The following SPTAN1 variants were observed in gnomAD, a reference collection of about 807,000 sequenced individuals.
SPTAN1 encodes spectrin alpha chain, non-erythrocytic 1.
Under a neutral mutation model 331.3 loss-of-function variants are expected in SPTAN1, and 61 were observed. That is an observed-to-expected ratio of 0.18 (90% confidence interval 0.15 to 0.23). The LOEUF (loss-of-function observed/expected upper bound fraction) is 0.23. SPTAN1 is among the 10% of genes least tolerant of loss of function. The probability of loss-of-function intolerance (pLI) is 1.00; values close to 1 mark genes in which losing one functional copy is unlikely to be tolerated. For synonymous variants in SPTAN1, 1,153 were observed against 1,173.9 expected, an observed-to-expected ratio of 0.98 and a Z score of 0.36; for missense variants, 2,043 against 3,147.9, an observed-to-expected ratio of 0.65 and a Z score of 8.40.
At position 128,609,644 on chromosome 9, in the gene SPTAN1, T is replaced by C. The variant is rs1307129452; in HGVS notation, c.4759-7T>C. ...TGAACTCTTGTTCTTTTAATCTGTT[T>C]TTGTAGCTTTCCAAGCTGCTGGTAA... On this transcript the variant is annotated splice_region_variant and splice_polypyrimidine_tract_variant and intron_variant, in intron 36 of 56. Transcript: ENST00000372739. 6.6e-7 allele frequency: 1 copy of C among 1,525,444 alleles called. No individual in the cohort carries two copies. The allele number at this position is 1,525,444 out of a possible 1,614,324, so 94.5% of individuals were successfully genotyped here.
Position 128,627,227 on chromosome 9 carries a change from C to T in SPTAN1, c.6577-159C>T. The T allele has an allele frequency of 1.5e-6, 1 of 685,298 alleles. No homozygotes were observed. The highest frequency in any genetic ancestry group is 2.6e-6 in the Non-Finnish European group (1 of 386,212). 42.5% of individuals were successfully genotyped at this position (685,298 alleles called of 1,614,324 possible). ...GGGGTGGGAACAGAGAAAGAACTAC[C>T]AAGTGCTCTGAGCCGGCCTCATGTC... On this transcript the variant is annotated intron_variant, in intron 49 of 56. Transcript: ENST00000372739. This position sits in a 1 kb window ranked among gnomAD's most constrained non-coding sequence, Gnocchi z 4.9.
rs753109393 is a variant in SPTAN1 at position 128,575,158 on chromosome 9, T to C, written c.505-41T>C. ...GTTTCTGGAAGCCATTGTTAACAAA[T>C]GTTGGTTGGTGACTCTGGCTCTCTT... On this transcript the variant is annotated intron_variant, in intron 4 of 56. Transcript: ENST00000372739. 5.0e-6 allele frequency: 8 copies of C among 1,613,764 alleles called. No individual in the cohort carries two copies. The South Asian group carries it at 7.7e-5, about 16-fold the overall frequency.
rs886063501 is a variant in SPTAN1, at chr9:128,582,501, A to G, written c.1595A>G (p.Lys532Arg). The G allele has an allele frequency of 6.2e-7, 1 of 1,614,202 alleles. No homozygotes were observed. The highest frequency in any genetic ancestry group is 1.7e-5 in the Admixed American group (1 of 60,016). Residue 532 changes from lysine (K) to arginine (R), a missense_variant, in exon 13 of 57, where the codon AAG becomes AGG. Around this residue, in one of 12 missense-constraint regions of SPTAN1, gnomAD observed 1,038 missense variants for 1,531.5 expected, o/e 0.68. Transcript: ENST00000372739. ...TAGGCATTAGATGAATTTGCAACCA[A>G]GCTAATTCAGAACAACCACTATGCA... ...KITALDEFAT[K>R]LIQNNHYAME...
chr9:128,592,778 G>T (rs1853702894), intron 22 of SPTAN1, among the ~76,000 whole-genome samples: 1 of 152,168 alleles, frequency 6.6e-6, no homozygotes, highest in East Asian at 1.9e-4. Context: ...GAAAATGAAG[G>T]TGAACTAACC....
At position 128,627,611 on chromosome 9, in the gene SPTAN1, T is replaced by A; in HGVS notation, c.6689+113T>A. ...GCTTTGTGTAAAACCAGAGGCAGCCTGGGAATAAAGCTGGGCTGGCAACGC... is the reference window on the plus strand; with the variant it reads ...GCTTTGTGTAAAACCAGAGGCAGCCAGGGAATAAAGCTGGGCTGGCAACGC... On this transcript the variant is annotated intron_variant, in intron 50 of 56. Transcript: ENST00000372739. This position sits in a 1 kb window ranked among gnomAD's most constrained non-coding sequence, Gnocchi z 4.9. 9.0e-7 allele frequency: 1 copy of A among 1,116,804 alleles called. No individual in the cohort carries two copies. Among genetic ancestry groups the A allele is most frequent in the Non-Finnish European group, 1.3e-6 (1 of 754,180 alleles). 69.2% of individuals were successfully genotyped at this position (1,116,804 alleles called of 1,614,324 possible). A position where few individuals can be genotyped will look rare whatever the true frequency, so the allele number is the denominator to read the frequency against.
chr9:128,627,598 AC>A lies in SPTAN1; in HGVS notation c.6689+102del. On this transcript the variant is annotated intron_variant, in intron 50 of 56. Coordinates refer to ENST00000372739, the MANE Select transcript of SPTAN1 (RefSeq NM_001130438.3). The surrounding 1 kb of genome is among the most constrained non-coding windows in gnomAD (Gnocchi z 4.9). ...AGGAGGTGGTGGTGCTTTGTGTAAA[AC>A]CAGAGGCAGCCTGGGAATAAAGCTG... The A allele has an allele frequency of 8.4e-7, 1 of 1,186,270 alleles. No individual in the cohort carries two copies. The highest frequency in any genetic ancestry group is 1.2e-6 in the Non-Finnish European group (1 of 816,298). 73.5% of individuals were successfully genotyped at this position (1,186,270 alleles called of 1,614,324 possible).
rs762644827 is a variant in SPTAN1 at position 128,630,351 on chromosome 9, C to T, written c.6738C>T (p.Leu2246=). The T allele has an allele frequency of 5.6e-6, 9 of 1,612,584 alleles. No homozygotes were observed. The highest frequency in any genetic ancestry group is 1.7e-5 in the Admixed American group (1 of 60,016). ...GTATGGTGGAAGAGTCGGGGACCCT[C>T]GAATCCCAGCTTGAAGCTACCAAAG... is the stretch of plus-strand genomic sequence containing the variant. The part of the protein sequence containing the change: ...GSCMVEESGT[L]ESQLEATKRK... Residue 2246 remains leucine (L), a synonymous_variant, in exon 52 of 57, where the codon CTC becomes CTT. Coordinates refer to ENST00000372739, the MANE Select transcript of SPTAN1 (RefSeq NM_001130438.3).
At chr9:128,590,815 C>T (rs554762887) in intron 21 of SPTAN1, among the ~76,000 whole-genome samples, 5 of 152,080 alleles carry the variant, frequency 3.3e-5, no homozygotes, top group African/African-American at 1.2e-4. Flanking sequence ...CGTGCCACTG[C>T]ACTCCAGCCT....
intron 44 of SPTAN1, among the ~76,000 whole-genome samples, chr9:128,619,973 A>G (rs1857639134): frequency 6.6e-6 from 1 of 152,204 alleles, no homozygotes; most frequent in African/African-American, 2.4e-5. Context: ...CCTGATTGTC[A>G]TCCAGCCTGG....
chr9:128,600,960 G>T (rs1855045220), intron 27 of SPTAN1, among the ~76,000 whole-genome samples: 1 of 120,360 alleles, frequency 8.3e-6, no homozygotes. Flanking sequence ...ACAGCACACA[G>T]CCAGGGAGAA....
Position 128,611,711 on chromosome 9 carries a change from T to C in SPTAN1, c.4774-3T>C. The C allele has an allele frequency of 6.2e-7, 1 of 1,614,030 alleles. No homozygotes were observed. Among genetic ancestry groups the C allele is most frequent in the Non-Finnish European group, 8.5e-7 (1 of 1,180,030 alleles). Reference sequence around the variant, plus strand: ...TTGGAAAAAATTTTTTTGGTATTTTTAGAGCAAGCACCAGAAGCACCAGGC... The same window carrying C: ...TTGGAAAAAATTTTTTTGGTATTTTCAGAGCAAGCACCAGAAGCACCAGGC... On this transcript the variant is annotated splice_polypyrimidine_tract_variant and splice_region_variant and intron_variant, in intron 37 of 56. Coordinates refer to ENST00000372739, the MANE Select transcript of SPTAN1 (RefSeq NM_001130438.3).
At position 128,577,638 on chromosome 9, in the gene SPTAN1, T is replaced by A. The variant is rs1051115471; in HGVS notation, c.1085+132T>A. The A allele has an allele frequency of 8.2e-6, 10 of 1,218,658 alleles. No individual in the cohort carries two copies. Among genetic ancestry groups the A allele is most frequent in the Non-Finnish European group, 1.2e-5 (10 of 839,670 alleles). 75.5% of individuals were successfully genotyped at this position (1,218,658 alleles called of 1,614,324 possible). A position where few individuals can be genotyped will look rare whatever the true frequency, so the allele number is the denominator to read the frequency against. On this transcript the variant is annotated intron_variant, in intron 8 of 56. Coordinates refer to ENST00000372739, the MANE Select transcript of SPTAN1 (RefSeq NM_001130438.3). The surrounding 1 kb of genome is among the most constrained non-coding windows in gnomAD (Gnocchi z 4.2). ...TCACCTACAAATGCAAATCACTTCT[T>A]ACCTATGTTCTCTCTGTTTGGAGAC...
In SPTAN1 at chr9:128,633,622, G is replaced by C; in HGVS notation, c.*288G>C. 7.8e-7 allele frequency: 1 copy of C among 1,282,108 alleles called. No individual in the cohort carries two copies. Among genetic ancestry groups the C allele is most frequent in the Non-Finnish European group, 1.1e-6 (1 of 925,566 alleles). The allele number at this position is 1,282,108 out of a possible 1,614,324, so 79.4% of individuals were successfully genotyped here. On this transcript the variant is annotated 3_prime_UTR_variant, in exon 57 of 57. Coordinates refer to ENST00000372739, the MANE Select transcript of SPTAN1 (RefSeq NM_001130438.3). ...CTCTCTCCCACCCTCCCCCAAATCT[G>C]TTTTCATGTAAAAGACAAATAAATG...
At position 128,566,895 on chromosome 9, in the gene SPTAN1, A is replaced by G; in HGVS notation, c.155A>G (p.Asp52Gly). Residue 52 changes from aspartate to glycine, a missense_variant, in exon 2 of 57, where the codon GAT becomes GGT. By Grantham distance (94) the Asp-to-Gly change is moderately conservative. Around this residue, in one of 12 missense-constraint regions of SPTAN1, gnomAD observed 1,038 missense variants for 1,531.5 expected, o/e 0.68. Transcript: ENST00000372739. Reference protein sequence around the residue: ...DSYRFQFFQRDAEELEKWIQE... With the variant: ...DSYRFQFFQRGAEELEKWIQE... ...TATCGATTCCAGTTCTTTCAAAGAGATGCTGAAGAGCTGGAGAAATGGATA... is the reference window on the plus strand; with the variant it reads ...TATCGATTCCAGTTCTTTCAAAGAGGTGCTGAAGAGCTGGAGAAATGGATA... 2 of 1,614,234 alleles carry G rather than the reference A, an allele frequency of 1.2e-6. No homozygotes were observed. Among genetic ancestry groups the G allele is most frequent in the Non-Finnish European group, 1.7e-6 (2 of 1,180,036 alleles).
At chr9:128,621,360 C>G in intron 45 of SPTAN1, 104 bp downstream of exon 45, 1 of 971,840 alleles carries the variant, frequency 1.0e-6, no homozygotes, top group African/African-American at 1.6e-5. Context: ...TTCACCAAAC[C>G]AAGGTCTGCG....
chr9:128,606,900 T>C (rs1292597706), intron 31 of SPTAN1, among the ~76,000 whole-genome samples: 3 of 152,232 alleles, frequency 2.0e-5, no homozygotes, highest in Non-Finnish European at 4.4e-5. Flanking sequence ...CACCCCTCTC[T>C]AGTTTTGGAA....
chr9:128,617,920 T>G (rs1857372827), intron 42 of SPTAN1, 67 bp from the exon 43 acceptor site: 1 of 1,613,594 alleles, frequency 6.2e-7, no homozygotes, highest in South Asian at 1.1e-5. Context: ...GGCCTTTTCC[T>G]GGGAGCTTCG....
chr9:128,574,171 C>T (rs2130956045), intron 3 of SPTAN1, among the ~76,000 whole-genome samples: 1 of 152,088 alleles, frequency 6.6e-6, no homozygotes, highest in East Asian at 1.9e-4. Context: ...ATTTGGAATA[C>T]ATCCTTCAGT....
intron 3 of SPTAN1, among the ~76,000 whole-genome samples, chr9:128,570,964 A>G (rs1266771706): frequency 6.6e-6 from 1 of 152,212 alleles, no homozygotes; most frequent in South Asian, 2.1e-4. Context: ...CCTGGCCTAG[A>G]TAGCTTATTA....
Sources: allele counts gnomAD v4.1 joint callset (sites outside exome capture counted in the v4.1 genomes callset), GRCh38; gene constraint gnomAD v4.1.1; regional missense constraint gnomAD v4.1.1; non-coding constraint Gnocchi (gnomAD v3.1); transcripts MANE v1.5; gene names NCBI Gene and HGNC (gene_info 2026-07-23, HGNC 2026-07-21).